PIR: variants seen among roughly 807,000 people sequenced by gnomAD.
The protein encoded by PIR is pirin, also known as pirin (iron-binding nuclear protein).
In PIR, 22 loss-of-function variants were observed where a neutral mutation model predicts 24.2. The ratio of observed to expected loss-of-function variants is 0.91; its 90% confidence interval spans 0.65 to 1.30. The LOEUF (loss-of-function observed/expected upper bound fraction) is 1.30, where lower values mean the gene tolerates loss of function less well. PIR is among the 50% of genes most tolerant of loss of function. The pLI is 0.00. For missense variants in PIR, 220 were observed against 220.3 expected (o/e 1.00, Z 0.01); for synonymous variants, 80 against 79.6 (o/e 1.00, Z -0.03).
chrX:15,434,665 A>G (rs1229898164), intron 5 of PIR, among the ~76,000 whole-genome samples: 1 of 108,942 alleles, frequency 9.2e-6, no homozygotes, highest in Non-Finnish European at 1.9e-5. Flanking sequence ...ATTGGCGGCT[A>G]TGAAGTCAAG....
intron 1 of PIR, among the ~76,000 whole-genome samples, chrX:15,492,407 G>C: frequency 9.0e-6 from 1 of 111,608 alleles, no homozygotes; most frequent in Non-Finnish European, 1.9e-5. Context: ...TTCCTCTTTG[G>C]GAGGTCTAGG....
intron 3 of PIR, among the ~76,000 whole-genome samples, chrX:15,465,262 T>C (rs1237848334): frequency 4.2e-5 from 3 of 71,266 alleles, no homozygotes; most frequent in Non-Finnish European, 7.1e-5. Flanking sequence ...GCAAAAAACA[T>C]ACTTTCAGCC....
chrX:15,391,770 A>G (rs1311861933), intron 8 of PIR, among the ~76,000 whole-genome samples: 3 of 111,643 alleles, frequency 2.7e-5, no homozygotes, highest in African/African-American at 9.8e-5. Flanking sequence ...ATCCTCCTGC[A>G]TGCCATGTCC....
In PIR at chrX:15,437,324, GTGGT is replaced by G. The variant is rs1456813836; in HGVS notation, c.481-11338_481-11335del. Among the ~76,000 whole-genome samples the G allele has an allele frequency of 2.7e-5, 3 of 112,135 alleles. No individual in the cohort carries two copies. In the East Asian group the frequency reaches 8.3e-4, roughly 31 times the overall value. On this transcript the variant is annotated intron_variant, in intron 5 of 9. Transcript: ENST00000380420. ...CCAGAAGAAAATGGAACAGTAAGTG[GTGGT>G]TGGCTTTGAAAAGCATCTCATTCTA...
At chrX:15,387,073 C>CTTTTTTT (rs764572854) in intron 9 of PIR, among the ~76,000 whole-genome samples, 61 of 12,695 alleles carry the variant, frequency 4.8e-3, no homozygotes, top group Non-Finnish European at 7.3e-3. Context: ...CTTTTCTTTT[C>CTTTTTTT]TTTTTTTTTT....
At chrX:15,385,668 C>T (rs1361504292) in intron 9 of PIR, among the ~76,000 whole-genome samples, 1 of 111,996 alleles carries the variant, frequency 8.9e-6, no homozygotes, top group Non-Finnish European at 1.9e-5. Flanking sequence ...TAGGGGTTGG[C>T]AAATGTTTGC....
At chrX:15,474,194 G>A (rs996223099) in intron 3 of PIR, among the ~76,000 whole-genome samples, 3 of 112,058 alleles carry the variant, frequency 2.7e-5, no homozygotes, top group Non-Finnish European at 5.6e-5. Flanking sequence ...ACAACAAAAG[G>A]AAAGTGACAT....
rs140175107 is a variant in PIR, at chrX:15,414,859, C to T, written c.566-7309G>A. Among the ~76,000 whole-genome samples the T allele has an allele frequency of 5.9e-3, 652 of 111,242 alleles. 4 individuals carry two copies. Among genetic ancestry groups the T allele is most frequent in the African/African-American group, 0.02 (607 of 30,621 alleles). On this transcript the variant is annotated intron_variant, in intron 6 of 9. Transcript: ENST00000380420. ...TGTAAAATATGAAAAAAAATACACC[C>T]CTGCCAAAATTGAAACATATTTAAA...
intron 7 of PIR, among the ~76,000 whole-genome samples, chrX:15,406,426 C>T (rs751474756): frequency 5.4e-5 from 6 of 111,931 alleles, no homozygotes; most frequent in Non-Finnish European, 9.4e-5. Flanking sequence ...TGGCTGTAAT[C>T]CCACTGGGAA....
chrX:15,441,058 A>G (rs751222093), intron 5 of PIR, among the ~76,000 whole-genome samples: 3 of 111,780 alleles, frequency 2.7e-5, no homozygotes, highest in Non-Finnish European at 5.6e-5. Flanking sequence ...ATGAATGAGA[A>G]TTGAGGTTGA....
intron 5 of PIR, among the ~76,000 whole-genome samples, chrX:15,438,232 C>T (rs1925808537): frequency 8.9e-6 from 1 of 112,444 alleles, no homozygotes; most frequent in African/African-American, 3.2e-5. Context: ...CAATTCAGGT[C>T]AGGGATCATT....
chrX:15,486,349 C>A (rs1214973508), intron 2 of PIR, among the ~76,000 whole-genome samples: 5 of 93,051 alleles, frequency 5.4e-5, no homozygotes, highest in Non-Finnish European at 8.4e-5. Flanking sequence ...ACCCCTCAGG[C>A]ATGTGGTACT....
rs1923141095 is a variant in PIR at position 15,491,231 on chromosome X, G to A, written c.27C>T (p.Leu9=). ...CCGACTGCTCCCGGCTGAGCACTGA[G>A]AGAGTAACTTTCTTGGAGGACCCCA... MGSSKKVT[L]SVLSREQSEG... is the part of the protein sequence containing the mutation. Residue 9 remains leucine, a synonymous_variant, in exon 2 of 10, where the codon CTC becomes CTT. Coordinates refer to ENST00000380420, the MANE Select transcript of PIR (RefSeq NM_001018109.3). 2.5e-6 allele frequency: 3 copies of A among 1,205,226 alleles called. No individual in the cohort carries two copies. The highest frequency in any genetic ancestry group is 2.2e-6 in the Non-Finnish European group (2 of 890,792).
intron 7 of PIR, among the ~76,000 whole-genome samples, chrX:15,398,669 G>GTCTGTGTGTGTGT (rs1555952785): frequency 1.3e-5 from 1 of 76,112 alleles, no homozygotes; most frequent in Admixed American, 1.6e-4. Flanking sequence ...GAGGAGGGAG[G>GTCTGTGTGTGTGT]GTGTGTGTGT....
intron 3 of PIR, among the ~76,000 whole-genome samples, chrX:15,472,593 C>T (rs779246029): frequency 8.9e-6 from 1 of 112,079 alleles, no homozygotes; most frequent in Non-Finnish European, 1.9e-5. Context: ...CCATATGATT[C>T]CTTTTATATA....
At chrX:15,473,872 A>T (rs1389861353) in intron 3 of PIR, among the ~76,000 whole-genome samples, 1 of 112,625 alleles carries the variant, frequency 8.9e-6, no homozygotes, top group Non-Finnish European at 1.9e-5. Context: ...TTTATTTTTT[A>T]AAAACTGTAC....
intron 2 of PIR, among the ~76,000 whole-genome samples, chrX:15,481,718 T>C (rs949376018): frequency 8.9e-6 from 1 of 112,376 alleles, no homozygotes; most frequent in Non-Finnish European, 1.9e-5. Flanking sequence ...TGCTAAGCTC[T>C]TATTAATTTT....
intron 5 of PIR, among the ~76,000 whole-genome samples, chrX:15,447,755 G>A (rs1472027371): frequency 8.9e-6 from 1 of 112,166 alleles, no homozygotes; most frequent in East Asian, 2.8e-4. Context: ...GAAAAAATAT[G>A]TAATGTGTTC....
chrX:15,465,586 G>C (rs1921529102), intron 3 of PIR, among the ~76,000 whole-genome samples: 1 of 112,113 alleles, frequency 8.9e-6, no homozygotes, highest in African/African-American at 3.2e-5. Flanking sequence ...TCTGAAACAG[G>C]TGTTTTCTTA....
Sources: gnomAD v4.1 joint callset for allele counts (sites outside exome capture counted in the v4.1 genomes callset) on GRCh38, gnomAD v4.1.1 for gene constraint, MANE v1.5 for transcripts, NCBI Gene and HGNC (gene_info 2026-07-23, HGNC 2026-07-21) for gene names.